The following LIN28B variants were observed in gnomAD, a reference collection of about 807,000 sequenced individuals.
LIN28B encodes protein lin-28 homolog B.
LIN28B carries 5 observed loss-of-function variants against 21.9 expected under a neutral mutation model. The observed-to-expected ratio is 0.23, with a 90% CI of 0.12 to 0.48. The LOEUF (loss-of-function observed/expected upper bound fraction) is 0.48. LIN28B is among the 20% of genes least tolerant of loss of function. LIN28B has a pLI of 0.98. For missense variants in LIN28B, 245 were observed against 310.5 expected (o/e 0.79, Z 1.58); for synonymous variants, 109 against 111.3 (o/e 0.98, Z 0.13).
intron 3 of LIN28B, among the ~76,000 whole-genome samples, chr6:105,039,276 CAA>C (rs749743179): frequency 1.4e-4 from 22 of 151,982 alleles, no homozygotes; most frequent in Admixed American, 5.2e-4. Context: ...CATTTTCACA[CAA>C]AGAGAATTAT....
At chr6:105,012,207 CCTGT>C (rs1770938273) in intron 2 of LIN28B, among the ~76,000 whole-genome samples, 3 of 151,420 alleles carry the variant, frequency 2.0e-5, no homozygotes, top group Admixed American at 6.6e-5. Context: ...GTGGCTCACA[CCTGT>C]AATCCCAGCA....
At chr6:105,044,393 T>C (rs1043424025) in intron 3 of LIN28B, among the ~76,000 whole-genome samples, 2 of 152,306 alleles carry the variant, frequency 1.3e-5, no homozygotes, top group African/African-American at 2.4e-5. Flanking sequence ...TTCTGAGATA[T>C]TATTATAGCT....
Position 105,007,836 on chromosome 6 carries a change from G to A in LIN28B, c.199-18462G>A, listed in dbSNP as rs61251040. On this transcript the variant is annotated intron_variant, in intron 2 of 3. Transcript: ENST00000345080. ...TAAATTAAAAAAAGTAGAGAGAAGG[G>A]TCTCACTGTGTTGCCCAGGCTGGTC... 7.1e-3 allele frequency among the ~76,000 whole-genome samples: 1,086 copies of A among 152,226 alleles called. 15 individuals are homozygous for A. The highest frequency in any genetic ancestry group is 0.025 in the African/African-American group (1,040 of 41,544).
chr6:104,945,501 T>C (rs911228449), intron 2 of LIN28B, among the ~76,000 whole-genome samples: 4 of 152,122 alleles, frequency 2.6e-5, no homozygotes, highest in African/African-American at 9.7e-5. Context: ...TTACCTAGAA[T>C]CATTTTTGTT....
chr6:104,989,576 GTTTTTT>G (rs34394074), intron 2 of LIN28B, among the ~76,000 whole-genome samples: 1 of 60,572 alleles, frequency 1.7e-5, no homozygotes, highest in Non-Finnish European at 3.0e-5. Context: ...TTTTACTTGG[GTTTTTT>G]TTTTTTTTTT....
chr6:105,063,970 C>G (rs914750720), intron 3 of LIN28B, among the ~76,000 whole-genome samples: 1 of 150,582 alleles, frequency 6.6e-6, no homozygotes, highest in Non-Finnish European at 1.5e-5. Context: ...TATGAAAGAT[C>G]AAAATGTTTC....
At chr6:105,078,191 A>G (rs147734924) in intron 3 of LIN28B, among the ~76,000 whole-genome samples, 1 of 152,286 alleles carries the variant, frequency 6.6e-6, no homozygotes, top group African/African-American at 2.4e-5. Flanking sequence ...CACTGTGTTT[A>G]GTTGTGTCTC....
chr6:104,978,876 A>G (rs990194952), intron 2 of LIN28B, among the ~76,000 whole-genome samples: 1 of 152,136 alleles, frequency 6.6e-6, no homozygotes, highest in African/African-American at 2.4e-5. Flanking sequence ...CACCCCCAAT[A>G]TAAGGGGCTT....
chr6:105,077,723 C>T lies in LIN28B; in HGVS notation c.384-691C>T, dbSNP rs1772462032. On this transcript the variant is annotated intron_variant, in intron 3 of 3. Transcript: ENST00000345080. ...TTAATTCAATCTAAGTATTTAGAAG[C>T]TTTCTTTTTTTAGCACTGTTCTGAT... Among the ~76,000 whole-genome samples, 4 of 152,140 alleles carry T rather than the reference C, an allele frequency of 2.6e-5. 1 individual carries two copies. The South Asian group carries it at 6.2e-4, about 24-fold the overall frequency.
chr6:104,991,720 A>G (rs1170800276), intron 2 of LIN28B, among the ~76,000 whole-genome samples: 1 of 152,180 alleles, frequency 6.6e-6, no homozygotes, highest in Non-Finnish European at 1.5e-5. Context: ...CAGCCTGGGC[A>G]ACATTGAGCA....
chr6:104,957,721 G>A (rs1778311153), intron 1 of LIN28B, among the ~76,000 whole-genome samples: 1 of 152,028 alleles, frequency 6.6e-6, no homozygotes, highest in Non-Finnish European at 1.5e-5. Context: ...CGTGCCCGCC[G>A]GAGAGAATAG....
At chr6:105,021,601 C>T (rs75916436) in intron 2 of LIN28B, among the ~76,000 whole-genome samples, 16,163 of 152,072 alleles carry the variant, frequency 0.11, 906 homozygotes, top group African/African-American at 0.14. Context: ...AGTGATGTAA[C>T]GTTGAACATT....
intron 3 of LIN28B, among the ~76,000 whole-genome samples, chr6:105,074,421 A>G (rs1230844512): frequency 6.6e-6 from 1 of 152,132 alleles, no homozygotes; most frequent in Non-Finnish European, 1.5e-5. Context: ...GATGGTCTCG[A>G]TCTCCTGACC....
chr6:104,949,716 G>A (rs9386433), intron 2 of LIN28B, among the ~76,000 whole-genome samples: 23,666 of 151,998 alleles, frequency 0.16, 1,993 homozygotes, highest in East Asian at 0.26. Context: ...CAATAATTTA[G>A]TAGTCACCAG....
At chr6:105,021,624 G>T (rs1188578523) in intron 2 of LIN28B, among the ~76,000 whole-genome samples, 2 of 152,110 alleles carry the variant, frequency 1.3e-5, no homozygotes, top group Non-Finnish European at 2.9e-5. Context: ...TCATACACCT[G>T]TTGGCCATTT....
chr6:105,048,636 C>T (rs1474395671), intron 3 of LIN28B, among the ~76,000 whole-genome samples: 1 of 152,166 alleles, frequency 6.6e-6, no homozygotes, highest in Non-Finnish European at 1.5e-5. Flanking sequence ...GCTGTGAATC[C>T]ATCTGCTCCT....
intron 2 of LIN28B, among the ~76,000 whole-genome samples, chr6:105,020,130 T>C (rs962860493): frequency 1.4e-5 from 2 of 142,922 alleles, no homozygotes; most frequent in Non-Finnish European, 3.1e-5. Context: ...TTTTTTTTTT[T>C]TGAGAATGGG....
At chr6:105,053,310 T>C (rs1771947119) in intron 3 of LIN28B, among the ~76,000 whole-genome samples, 1 of 152,138 alleles carries the variant, frequency 6.6e-6, no homozygotes, top group African/African-American at 2.4e-5. Context: ...ATTCAGAAGA[T>C]GTTGAGTGCA....
At chr6:104,967,721 C>T (rs1022359833) in intron 2 of LIN28B, among the ~76,000 whole-genome samples, 4 of 151,002 alleles carry the variant, frequency 2.6e-5, no homozygotes, top group African/African-American at 9.8e-5. Flanking sequence ...CCTCAGTCAC[C>T]CAGGCTGGCG....
Sources: gnomAD v4.1 joint callset for allele counts (sites outside exome capture counted in the v4.1 genomes callset) on GRCh38, gnomAD v4.1.1 for gene constraint, MANE v1.5 for transcripts, NCBI Gene and HGNC (gene_info 2026-07-23, HGNC 2026-07-21) for gene names.